CAMKMT: variants seen among roughly 807,000 people sequenced by gnomAD.
CAMKMT encodes CaM KMT.
Under a neutral mutation model 48.0 loss-of-function variants are expected in CAMKMT, and 53 were observed. The observed-to-expected ratio is 1.10, with a 90% CI of 0.89 to 1.39. CAMKMT has a LOEUF of 1.39. Ranked by LOEUF, CAMKMT falls within the 40% of genes most tolerant of loss-of-function variation. The pLI is 0.00. For missense variants in CAMKMT, 428 were observed against 402.7 expected, an observed-to-expected ratio of 1.06 and a Z score of -0.54; for synonymous variants, 165 against 152.3, an observed-to-expected ratio of 1.08 and a Z score of -0.61.
At chr2:44,421,642 T>C (rs897107188) in intron 3 of CAMKMT, among the ~76,000 whole-genome samples, 1 of 152,212 alleles carries the variant, frequency 6.6e-6, no homozygotes, top group Non-Finnish European at 1.5e-5. Flanking sequence ...AACAGGCTTA[T>C]AGAATTCTTA....
intron 3 of CAMKMT, among the ~76,000 whole-genome samples, chr2:44,438,785 C>T (rs531213754): frequency 4.6e-5 from 7 of 152,254 alleles, no homozygotes; most frequent in Non-Finnish European, 1.0e-4. Flanking sequence ...GCAGCCTTTG[C>T]CTCCCAGGTT....
chr2:44,518,370 T>C (rs549242251), intron 3 of CAMKMT, among the ~76,000 whole-genome samples: 13 of 152,296 alleles, frequency 8.5e-5, no homozygotes, highest in African/African-American at 3.1e-4. Flanking sequence ...ATATGTTGTA[T>C]ATTAATGTGA....
chr2:44,377,314 C>G (rs1679799965), intron 2 of CAMKMT, among the ~76,000 whole-genome samples: 1 of 151,980 alleles, frequency 6.6e-6, no homozygotes, highest in Admixed American at 6.6e-5. Context: ...GACTTTGGTA[C>G]TTTGTTTCTT....
At chr2:44,471,479 C>T (rs559257234) in intron 3 of CAMKMT, among the ~76,000 whole-genome samples, 2 of 151,798 alleles carry the variant, frequency 1.3e-5, no homozygotes, top group Non-Finnish European at 2.9e-5. Context: ...GGGTGCCTGT[C>T]GTCCCAGTTA....
At chr2:44,655,639 C>G (rs952064928) in intron 3 of CAMKMT, among the ~76,000 whole-genome samples, 21 of 152,268 alleles carry the variant, frequency 1.4e-4, no homozygotes, top group Admixed American at 1.2e-3. Flanking sequence ...CCAGGCAAGG[C>G]CACTCTAGAA....
intron 3 of CAMKMT, among the ~76,000 whole-genome samples, chr2:44,484,448 A>G (rs890070679): frequency 6.6e-6 from 1 of 152,112 alleles, no homozygotes; most frequent in Admixed American, 6.5e-5. Context: ...TGATTTTATA[A>G]CATAGGTAGC....
chr2:44,592,758 G>A (rs561255408), intron 3 of CAMKMT, among the ~76,000 whole-genome samples: 39 of 152,268 alleles, frequency 2.6e-4, no homozygotes, highest in Non-Finnish European at 4.6e-4. Flanking sequence ...AAGGATAAGG[G>A]AGGACTACTG....
chr2:44,730,435 CT>C (rs1210067496), intron 7 of CAMKMT, among the ~76,000 whole-genome samples: 1 of 152,140 alleles, frequency 6.6e-6, no homozygotes, highest in Non-Finnish European at 1.5e-5. Flanking sequence ...CTGTATGTTC[CT>C]TTTGACGATT....
intron 2 of CAMKMT, among the ~76,000 whole-genome samples, chr2:44,378,170 A>G (rs1370571018): frequency 1.3e-5 from 2 of 152,198 alleles, no homozygotes; most frequent in African/African-American, 4.8e-5. Flanking sequence ...AAAACTGTGA[A>G]TTCCATTGTG....
chr2:44,377,607 A>G (rs960681663), intron 2 of CAMKMT, among the ~76,000 whole-genome samples: 3 of 152,298 alleles, frequency 2.0e-5, no homozygotes, highest in South Asian at 4.1e-4. Flanking sequence ...TTATTCATTT[A>G]TAAGTGTATA....
chr2:44,435,973 C>T (rs1666220426), intron 3 of CAMKMT, among the ~76,000 whole-genome samples: 1 of 152,200 alleles, frequency 6.6e-6, no homozygotes, highest in South Asian at 2.1e-4. Context: ...TGTTTATACC[C>T]ATTTTACAAA....
intron 7 of CAMKMT, among the ~76,000 whole-genome samples, chr2:44,729,654 AGTT>A (rs1678974890): frequency 6.6e-6 from 1 of 152,112 alleles, no homozygotes; most frequent in South Asian, 2.1e-4. Flanking sequence ...AAGGGAGAGA[AGTT>A]GTGTGTGTGC....
At chr2:44,506,865 T>G (rs1670287193) in intron 3 of CAMKMT, among the ~76,000 whole-genome samples, 1 of 152,188 alleles carries the variant, frequency 6.6e-6, no homozygotes, top group African/African-American at 2.4e-5. Context: ...AAGGTATCAT[T>G]TTTATCTTGC....
intron 3 of CAMKMT, among the ~76,000 whole-genome samples, chr2:44,608,997 A>G (rs1671452787): frequency 6.6e-6 from 1 of 152,218 alleles, no homozygotes; most frequent in Admixed American, 6.5e-5. Context: ...GTCCAATCCA[A>G]AATCTACCTT....
chr2:44,437,146 A>G (rs1249665558), intron 3 of CAMKMT, among the ~76,000 whole-genome samples: 3 of 152,206 alleles, frequency 2.0e-5, no homozygotes, highest in Non-Finnish European at 2.9e-5. Flanking sequence ...CCCCAACAGT[A>G]TACATTTTAT....
chr2:44,484,567 T>C (rs940480259), intron 3 of CAMKMT, among the ~76,000 whole-genome samples: 7 of 151,868 alleles, frequency 4.6e-5, no homozygotes, highest in Non-Finnish European at 8.8e-5. Context: ...TATACAAATA[T>C]CAATTTCAGA....
chr2:44,422,447 G>A (rs904637661), intron 3 of CAMKMT, among the ~76,000 whole-genome samples: 2 of 152,000 alleles, frequency 1.3e-5, no homozygotes, highest in African/African-American at 4.8e-5. Flanking sequence ...AGAAAATGGG[G>A]CTTGGGAAAT....
intron 3 of CAMKMT, among the ~76,000 whole-genome samples, chr2:44,467,910 A>C (rs1436291890): frequency 6.6e-6 from 1 of 152,192 alleles, no homozygotes; most frequent in Admixed American, 6.5e-5. Flanking sequence ...TACCAGAAGA[A>C]AGTATGGGAG....
intron 3 of CAMKMT, among the ~76,000 whole-genome samples, chr2:44,650,951 G>C (rs757559066): frequency 3.3e-5 from 5 of 152,012 alleles, no homozygotes; most frequent in Non-Finnish European, 5.9e-5. Flanking sequence ...GACCCCAATA[G>C]CTAGCTGGTC....
Sources: gnomAD v4.1 joint callset for allele counts (sites outside exome capture counted in the v4.1 genomes callset) on GRCh38, gnomAD v4.1.1 for gene constraint, MANE v1.5 for transcripts, NCBI Gene and HGNC (gene_info 2026-07-23, HGNC 2026-07-21) for gene names.